FANK1: variants seen among roughly 807,000 people sequenced by gnomAD.
The protein encoded by FANK1 is fibronectin type 3 and ankyrin repeat domains protein 1.
A neutral mutation model predicts 45.3 loss-of-function variants in FANK1; 44 were observed. The ratio of observed to expected loss-of-function variants is 0.97; its 90% CI spans 0.76 to 1.25. FANK1 has a LOEUF of 1.25. FANK1 is among the 50% of genes most tolerant of loss of function. The pLI is 0.00. For synonymous variants in FANK1, 149 were observed against 152.5 expected (o/e 0.98, Z 0.17); for missense variants, 391 against 424.4 (o/e 0.92, Z 0.69).
chr10:125,976,737 C>T (rs967023452), intron 1 of FANK1, among the ~76,000 whole-genome samples: 1 of 152,158 alleles, frequency 6.6e-6, no homozygotes, highest in African/African-American at 2.4e-5. Flanking sequence ...ATTCTCCTAC[C>T]TCAGCCTCCT....
chr10:125,992,159 G>C (rs1018590259), intron 3 of FANK1, among the ~76,000 whole-genome samples: 1 of 152,234 alleles, frequency 6.6e-6, no homozygotes, highest in Non-Finnish European at 1.5e-5. Context: ...GAAGGATTCA[G>C]GGGTGGGAGG....
intron 6 of FANK1, chr10:126,004,041 T>C (rs772477070): frequency 1.2e-4 from 19 of 152,156 alleles, no homozygotes; most frequent in Non-Finnish European, 2.4e-4. Flanking sequence ...AATTATTTAA[T>C]TGGGAATTGC....
At chr10:125,934,545 C>T (rs371552666) in intron 1 of FANK1, among the ~76,000 whole-genome samples, 5 of 151,556 alleles carry the variant, frequency 3.3e-5, no homozygotes, top group African/African-American at 7.3e-5. Flanking sequence ...TCCAGTCCTG[C>T]GTGAATTAAG....
chr10:125,974,538 A>G (rs1434336587), intron 1 of FANK1, among the ~76,000 whole-genome samples: 1 of 152,200 alleles, frequency 6.6e-6, no homozygotes, highest in Non-Finnish European at 1.5e-5. Flanking sequence ...CAAAACTAAC[A>G]TAGAACAATT....
At chr10:125,958,099 T>C (rs1321818132) in intron 1 of FANK1, among the ~76,000 whole-genome samples, 1 of 152,156 alleles carries the variant, frequency 6.6e-6, no homozygotes, top group Non-Finnish European at 1.5e-5. Context: ...TATGTATTAC[T>C]GTTAACTATA....
At chr10:125,900,960 C>G (rs1374700708) in intron 1 of FANK1, among the ~76,000 whole-genome samples, 2 of 151,998 alleles carry the variant, frequency 1.3e-5, no homozygotes, top group African/African-American at 2.4e-5. Flanking sequence ...TTTTTCTGCC[C>G]CCCTTTTTTT....
Position 125,997,441 on chromosome 10 carries a change from T to C in FANK1, c.495T>C (p.Ser165=). 4.3e-6 allele frequency: 7 copies of C among 1,613,948 alleles called. No individual in the cohort carries two copies. Among genetic ancestry groups the C allele is most frequent in the Non-Finnish European group, 5.9e-6 (7 of 1,179,932 alleles). Residue 165 remains serine, a synonymous_variant, in exon 6 of 11, where the codon TCT becomes TCC. Transcript: ENST00000368693. ...TTAGGCTTGTGAAAATCCTAGTTTC[T>C]AATGGCACAGACGTGAATCTGAAGA... ...GYTRLVKILV[S]NGTDVNLKNG... is the part of the protein sequence containing the mutation.
At chr10:125,957,752 T>C (rs1949672391) in intron 1 of FANK1, among the ~76,000 whole-genome samples, 1 of 152,194 alleles carries the variant, frequency 6.6e-6, no homozygotes, top group Admixed American at 6.5e-5. Context: ...CGCAAACTCC[T>C]GGCCTCAGGT....
chr10:125,965,738 G>GC (rs1950171769), intron 1 of FANK1, among the ~76,000 whole-genome samples: 1 of 152,178 alleles, frequency 6.6e-6, no homozygotes, highest in South Asian at 2.1e-4. Context: ...TTTGCTTAGA[G>GC]CAAGCCTGCA....
chr10:125,956,132 G>T (rs1441568286), intron 1 of FANK1, among the ~76,000 whole-genome samples: 1 of 133,950 alleles, frequency 7.5e-6, no homozygotes, highest in East Asian at 2.4e-4. Context: ...GTTCTGCCTA[G>T]CAAGGATGCA....
chr10:125,965,101 C>T (rs184482321), intron 1 of FANK1, among the ~76,000 whole-genome samples: 6 of 152,144 alleles, frequency 3.9e-5, no homozygotes, highest in East Asian at 1.9e-4. Flanking sequence ...GAGGTTGTGG[C>T]GAGCAGAGCC....
chr10:125,951,846 C>A (rs1949254605), intron 1 of FANK1, among the ~76,000 whole-genome samples: 1 of 152,152 alleles, frequency 6.6e-6, no homozygotes, highest in East Asian at 1.9e-4. Context: ...GAGACACACA[C>A]AAAAGCAATT....
intron 1 of FANK1, among the ~76,000 whole-genome samples, chr10:125,956,875 A>G (rs1247374088): frequency 1.3e-5 from 2 of 152,254 alleles, no homozygotes; most frequent in East Asian, 3.9e-4. Flanking sequence ...TACAGTGACA[A>G]TCTCGCTCTG....
At chr10:126,004,694 A>G in intron 6 of FANK1, 190 bp from the exon 7 acceptor site, 1 of 573,402 alleles carries the variant, frequency 1.7e-6, no homozygotes, top group South Asian at 2.2e-5. Flanking sequence ...TTCATTTCTA[A>G]TATTCCATTG....
chr10:125,896,942 T>G (rs1157347902), intron 1 of FANK1, among the ~76,000 whole-genome samples: 1 of 152,140 alleles, frequency 6.6e-6, no homozygotes, highest in African/African-American at 2.4e-5. Flanking sequence ...GACCCCAGCG[T>G]GCGTCTTCCT....
chr10:125,980,196 G>A lies in FANK1; in HGVS notation c.49G>A (p.Val17Met), dbSNP rs1564937866. ...ACCCTCAAAGCCTCATCCACCTGTC[G>A]TGGGCAAAGTGACTCATCACAGCAT... ...MPPSKPHPPV[V>M]GKVTHHSIEL... The change falls in exon 2 of 11, where the codon GTG (valine) becomes ATG (methionine). Residue 17 changes from valine to methionine, a missense_variant. Physicochemically the swap from Val to Met is conservative, Grantham distance 21 (BLOSUM62 1). Transcript: ENST00000368693. 4.3e-6 allele frequency: 7 copies of A among 1,613,670 alleles called. No homozygotes were observed. The highest frequency in any genetic ancestry group is 4.5e-5 in the East Asian group (2 of 44,876).
chr10:125,950,864 C>A (rs2134166014), intron 1 of FANK1, among the ~76,000 whole-genome samples: 1 of 149,196 alleles, frequency 6.7e-6, no homozygotes, highest in South Asian at 2.2e-4. Context: ...CAATGATAGA[C>A]TGGATTAAGA....
intron 3 of FANK1, chr10:125,994,736 T>C: frequency 1.0e-6 from 1 of 985,454 alleles, no homozygotes; most frequent in East Asian, 1.1e-4. Context: ...CTGCTTGTGC[T>C]GCCCGCCTGC....
chr10:125,935,364 A>G (rs1056748903), intron 1 of FANK1, among the ~76,000 whole-genome samples: 2 of 152,080 alleles, frequency 1.3e-5, no homozygotes, highest in Non-Finnish European at 2.9e-5. Context: ...AGCCTTACAT[A>G]TTTACTTGAT....
Sources: gnomAD v4.1 joint callset for allele counts (sites outside exome capture counted in the v4.1 genomes callset) on GRCh38, gnomAD v4.1.1 for gene constraint, MANE v1.5 for transcripts, NCBI Gene and HGNC (gene_info 2026-07-23, HGNC 2026-07-21) for gene names.